SLC24A2: variants seen among roughly 807,000 people sequenced by gnomAD.
SLC24A2 encodes the protein sodium/potassium/calcium exchanger 2.
A neutral mutation model predicts 62.0 loss-of-function variants in SLC24A2; 36 were observed. The ratio of observed to expected loss-of-function variants is 0.58; its 90% CI spans 0.44 to 0.77. SLC24A2 has a LOEUF of 0.77. SLC24A2 is among the 30% of genes least tolerant of loss of function. The pLI is 0.00. For synonymous variants in SLC24A2, 358 were observed against 294.0 expected (o/e 1.22, Z -2.23); for missense variants, 846 against 817.9 (o/e 1.03, Z -0.42).
At chr9:20,295,920 T>C in the SLC24A2 span, among the ~76,000 whole-genome samples, 1 of 152,176 alleles carries the variant, frequency 6.6e-6, no homozygotes, top group Non-Finnish European at 1.5e-5. Context: ...TAAATCTATA[T>C]CCTTTTGGTT....
At chr9:19,673,087 T>G (rs1819463349) in intron 2 of SLC24A2, among the ~76,000 whole-genome samples, 1 of 146,456 alleles carries the variant, frequency 6.8e-6, no homozygotes, top group Non-Finnish European at 1.5e-5. Flanking sequence ...CATTGTTTCT[T>G]TGTTGACCTT....
intron 2 of SLC24A2, among the ~76,000 whole-genome samples, chr9:19,657,000 T>C (rs1389396771): frequency 6.6e-6 from 1 of 152,246 alleles, no homozygotes; most frequent in Non-Finnish European, 1.5e-5. Flanking sequence ...GACAGTTTGT[T>C]GGCTGGTGGT....
chr9:19,891,126 C>G, the SLC24A2 span, among the ~76,000 whole-genome samples: 1 of 152,180 alleles, frequency 6.6e-6, no homozygotes, highest in Non-Finnish European at 1.5e-5. Context: ...TGTGCTGAAT[C>G]TTACCTGGTT....
At chr9:19,582,738 C>A (rs1287167221) in intron 5 of SLC24A2, among the ~76,000 whole-genome samples, 1 of 152,046 alleles carries the variant, frequency 6.6e-6, no homozygotes, top group African/African-American at 2.4e-5. Flanking sequence ...TTCAGTTAAG[C>A]CTTCATCACT....
chr9:19,858,034 C>G, the SLC24A2 span, among the ~76,000 whole-genome samples: 1 of 152,118 alleles, frequency 6.6e-6, no homozygotes, highest in East Asian at 1.9e-4. Context: ...CAAAAAAGAG[C>G]CTGAATAGCC....
chr9:20,044,225 A>G, the SLC24A2 span, among the ~76,000 whole-genome samples: 1 of 152,188 alleles, frequency 6.6e-6, no homozygotes, highest in Admixed American at 6.5e-5. Flanking sequence ...TGTAAACGTA[A>G]CTTTTACATG....
the SLC24A2 span, chr9:19,927,359 CT>C: frequency 6.6e-6 from 1 of 152,206 alleles, no homozygotes; most frequent in Non-Finnish European, 1.5e-5. Flanking sequence ...CCAGCTAAGC[CT>C]AGTTTCCTCC....
At chr9:20,186,057 C>T in the SLC24A2 span, among the ~76,000 whole-genome samples, 1 of 152,060 alleles carries the variant, frequency 6.6e-6, no homozygotes, top group Admixed American at 6.5e-5. Flanking sequence ...GGAGTTCTGT[C>T]TTGGGTGCCA....
intron 7 of SLC24A2, among the ~76,000 whole-genome samples, chr9:19,551,831 T>C (rs1479719378): frequency 6.6e-6 from 1 of 152,124 alleles, no homozygotes; most frequent in Admixed American, 6.5e-5. Flanking sequence ...CTGCAGAAAG[T>C]ATGTATAGTG....
the SLC24A2 span, among the ~76,000 whole-genome samples, chr9:20,219,801 A>G: frequency 3.3e-4 from 50 of 152,296 alleles, 1 homozygote; most frequent in African/African-American, 1.2e-3. Flanking sequence ...CTGTACCACA[A>G]TTAGCCTTGT....
At chr9:19,967,751 C>T in the SLC24A2 span, 8 of 152,306 alleles carry the variant, frequency 5.3e-5, no homozygotes, top group East Asian at 1.5e-3. Context: ...AGCACAGCTC[C>T]ACTCATAATC....
chr9:19,906,195 A>G, the SLC24A2 span, among the ~76,000 whole-genome samples: 1 of 152,234 alleles, frequency 6.6e-6, no homozygotes, highest in Non-Finnish European at 1.5e-5. Flanking sequence ...ACTCAACTAC[A>G]TGGAAACTGA....
At chr9:19,516,550 T>C (rs928939429) in intron 10 of SLC24A2, 148 bp from the exon 11 acceptor site, 1 of 1,001,076 alleles carries the variant, frequency 1.0e-6, no homozygotes, top group African/African-American at 1.6e-5. Context: ...GACTCGGGCA[T>C]GGTTGGCCCA....
At chr9:19,955,890 T>A in the SLC24A2 span, among the ~76,000 whole-genome samples, 1 of 152,244 alleles carries the variant, frequency 6.6e-6, no homozygotes, top group Non-Finnish European at 1.5e-5. Flanking sequence ...ACCAGTACAC[T>A]AAATTTTCTC....
In SLC24A2 at chr9:19,658,607, C is replaced by A. The variant is rs77781455; in HGVS notation, c.931-36308G>T. On this transcript the variant is annotated intron_variant, in intron 2 of 10. Coordinates refer to ENST00000341998, the MANE Select transcript of SLC24A2 (RefSeq NM_020344.4). ...GGTTAGGTTAATTGTTCTCTGTTTG[C>A]CCCTCCATATCAAATCTTCACTCTC... Among the ~76,000 whole-genome samples, 740 of 152,304 alleles carry A rather than the reference C, an allele frequency of 4.9e-3. 47 individuals carry two copies. In the East Asian group the frequency reaches 0.12, roughly 25 times the overall value.
chr9:19,851,057 C>T, the SLC24A2 span, among the ~76,000 whole-genome samples: 12 of 120,402 alleles, frequency 1.0e-4, no homozygotes, highest in Non-Finnish European at 1.9e-4. Context: ...GATGGAGTCT[C>T]TTGTTGCTCA....
the SLC24A2 span, among the ~76,000 whole-genome samples, chr9:20,096,129 T>C: frequency 6.6e-6 from 1 of 151,702 alleles, no homozygotes; most frequent in Non-Finnish European, 1.5e-5. Flanking sequence ...CCGTCCATCC[T>C]ATTGATTCTT....
the SLC24A2 span, among the ~76,000 whole-genome samples, chr9:20,246,857 G>A: frequency 6.6e-6 from 1 of 152,174 alleles, no homozygotes; most frequent in African/African-American, 2.4e-5. Flanking sequence ...AGTCCCAACT[G>A]AAGCTGCCAC....
chr9:20,144,828 G>T, the SLC24A2 span, among the ~76,000 whole-genome samples: 1 of 151,820 alleles, frequency 6.6e-6, no homozygotes, highest in Non-Finnish European at 1.5e-5. Context: ...AATGCTCTTT[G>T]GAAATGTTAG....
Sources: gnomAD v4.1 joint callset for allele counts (sites outside exome capture counted in the v4.1 genomes callset) on GRCh38, gnomAD v4.1.1 for gene constraint, MANE v1.5 for transcripts, NCBI Gene and HGNC (gene_info 2026-07-23, HGNC 2026-07-21) for gene names.